Variants in KAZN observed in about 807,000 individuals in gnomAD.
KAZN encodes kazrin.
A neutral mutation model predicts 87.4 loss-of-function variants in KAZN; 40 were observed. The ratio of observed to expected loss-of-function variants is 0.46; its 90% confidence interval spans 0.36 to 0.60. The LOEUF (loss-of-function observed/expected upper bound fraction) is 0.60. Among genes scored for constraint, KAZN ranks in the 20% least tolerant of loss-of-function variants. The pLI, the probability that KAZN is intolerant of heterozygous loss-of-function variation, is 0.00. For missense variants in KAZN, 898 were observed against 1,073.9 expected (o/e 0.84, Z 2.29); for synonymous variants, 466 against 458.3 (o/e 1.02, Z -0.22).
intron 1 of KAZN, among the ~76,000 whole-genome samples, chr1:13,960,654 G>A (rs1169480065): frequency 6.6e-6 from 1 of 152,170 alleles, no homozygotes; most frequent in African/African-American, 2.4e-5. Context: ...TCCCAAATCG[G>A]CTTGTATTTG....
At position 14,356,643 on chromosome 1, in the gene KAZN, T is replaced by C. The variant is rs545768533; in HGVS notation, c.249+176051T>C. Among the ~76,000 whole-genome samples, 385 of 152,314 alleles carry C rather than the reference T, an allele frequency of 2.5e-3. 2 individuals carry two copies. The highest frequency in any genetic ancestry group is 4.4e-3 in the Non-Finnish European group (301 of 68,018). On this transcript the variant is annotated intron_variant, in intron 2 of 16. Coordinates refer to the KAZN transcript ENST00000636203. The stretch of plus-strand genomic sequence containing the variant: ...GGGTCCAGTTTCAGTTTTCTGCATA[T>C]GGCTAGCCAGTTTTCCCAACACCAT...
chr1:14,623,362 G>T (rs1467418338), intron 1 of KAZN, among the ~76,000 whole-genome samples: 1 of 152,208 alleles, frequency 6.6e-6, no homozygotes, highest in Non-Finnish European at 1.5e-5. Flanking sequence ...GTGAACTAAT[G>T]CAGGATAGAA....
chr1:14,370,535 C>T (rs1290904109), intron 2 of KAZN, among the ~76,000 whole-genome samples: 1 of 152,208 alleles, frequency 6.6e-6, no homozygotes, highest in African/African-American at 2.4e-5. Context: ...GAAAGCCTTG[C>T]TCCTGGGGGG....
chr1:14,074,521 G>A (rs566105981), intron 1 of KAZN, among the ~76,000 whole-genome samples: 8 of 152,270 alleles, frequency 5.3e-5, no homozygotes, highest in South Asian at 2.1e-4. Context: ...GCTTGGGGTC[G>A]TTTGACAGAA....
chr1:13,985,998 A>G (rs1266674672), intron 1 of KAZN, among the ~76,000 whole-genome samples: 1 of 152,230 alleles, frequency 6.6e-6, no homozygotes, highest in Admixed American at 6.5e-5. Context: ...TTGTGTGGGC[A>G]TAAGTTTTCA....
chr1:13,929,802 T>G (rs1345279144), intron 1 of KAZN, among the ~76,000 whole-genome samples: 1 of 152,214 alleles, frequency 6.6e-6, no homozygotes, highest in Non-Finnish European at 1.5e-5. Context: ...ATGTATTAAG[T>G]GTTTGCTACG....
chr1:14,985,449 A>G (rs1370781623), intron 2 of KAZN, among the ~76,000 whole-genome samples: 1 of 147,818 alleles, frequency 6.8e-6, no homozygotes. Flanking sequence ...AGGATGGCTT[A>G]AGCCCAGGAG....
At chr1:13,979,725 G>A (rs1287880518) in intron 1 of KAZN, among the ~76,000 whole-genome samples, 1 of 152,040 alleles carries the variant, frequency 6.6e-6, no homozygotes, top group Non-Finnish European at 1.5e-5. Context: ...TCAGGAGATC[G>A]AGACCATCCT....
rs142306278 is a variant in KAZN, at chr1:15,009,150, C to T, written c.419-25599C>T. Among the ~76,000 whole-genome samples, 466 of 152,288 alleles carry T rather than the reference C, an allele frequency of 3.1e-3. 2 individuals carry two copies. Among genetic ancestry groups the T allele is most frequent in the Middle Eastern group, 0.02 (6 of 294 alleles). ...CAGGAAATTCGGGCAGCCTACTGCC[C>T]GGGCACTGACTCCCCAGGTGGCATC... On this transcript the variant is annotated intron_variant, in intron 2 of 14. Transcript: ENST00000376030.
chr1:14,798,492 A>G (rs1463233612), intron 1 of KAZN, among the ~76,000 whole-genome samples: 3 of 46,736 alleles, frequency 6.4e-5, no homozygotes, highest in Non-Finnish European at 9.7e-5. Context: ...CAGTGGCCCT[A>G]TCTCGGCTCA....
chr1:14,667,319 G>C (rs532482483), intron 1 of KAZN, among the ~76,000 whole-genome samples: 2 of 152,142 alleles, frequency 1.3e-5, no homozygotes, highest in African/African-American at 4.8e-5. Context: ...TTGAAGGCGC[G>C]GACCTCCAGA....
chr1:14,331,944 TATTA>T (rs1347243486), intron 2 of KAZN, among the ~76,000 whole-genome samples: 1 of 152,208 alleles, frequency 6.6e-6, no homozygotes, highest in Non-Finnish European at 1.5e-5. Context: ...TTATACTTAA[TATTA>T]TATTTCTAAG....
chr1:14,684,797 T>C (rs1338294551), intron 1 of KAZN, among the ~76,000 whole-genome samples: 1 of 152,166 alleles, frequency 6.6e-6, no homozygotes, highest in African/African-American at 2.4e-5. Context: ...ACCCTTGCAA[T>C]GACATCAGGC....
chr1:14,203,102 A>G (rs1288503311), intron 2 of KAZN, among the ~76,000 whole-genome samples: 2 of 152,164 alleles, frequency 1.3e-5, no homozygotes, highest in African/African-American at 2.4e-5. Context: ...AGTATGTTGC[A>G]TTATACTAGA....
Position 14,924,957 on chromosome 1 carries a change from C to G in KAZN, c.227-35727C>G, listed in dbSNP as rs1474181398. Among the ~76,000 whole-genome samples the G allele has an allele frequency of 2.6e-5, 4 of 152,216 alleles. No homozygotes were observed. The East Asian group carries it at 7.7e-4, about 29-fold the overall frequency. ...CCGCACCTGTGAGCCATGTGGCGGC[C>G]CCCGCGGAGTGCCGAGGGGAGCCCC... On this transcript the variant is annotated intron_variant, in intron 1 of 14. Coordinates refer to ENST00000376030, the MANE Select transcript of KAZN (RefSeq NM_201628.3).
intron 1 of KAZN, among the ~76,000 whole-genome samples, chr1:14,808,455 G>T (rs1347939375): frequency 2.0e-5 from 3 of 151,022 alleles, no homozygotes; most frequent in Non-Finnish European, 4.4e-5. Context: ...TGCCACCACG[G>T]TCGGCTAATT....
intron 2 of KAZN, among the ~76,000 whole-genome samples, chr1:14,505,371 A>G (rs752643331): frequency 4.6e-5 from 7 of 152,294 alleles, no homozygotes; most frequent in Non-Finnish European, 8.8e-5. Flanking sequence ...AAGCCAATAG[A>G]TGTCTACTAT....
At chr1:14,734,059 G>A (rs144377158) in intron 1 of KAZN, among the ~76,000 whole-genome samples, 153 of 152,288 alleles carry the variant, frequency 1.0e-3, no homozygotes, top group African/African-American at 3.4e-3. Flanking sequence ...CCTGCCGGGT[G>A]AGCAGTGGGA....
Position 14,921,153 on chromosome 1 carries a change from A to AACACACACACACACACAC in KAZN, c.227-39513_227-39496dup, listed in dbSNP as rs55766387. ...TCTGCAGTCCTGGGCCTGAGCATGC[A>AACACACACACACACACAC]ACACACACACACACACACACACACA... On this transcript the variant is annotated intron_variant, in intron 1 of 14. Coordinates refer to ENST00000376030, the MANE Select transcript of KAZN (RefSeq NM_201628.3). Among the ~76,000 whole-genome samples, 402 of 144,492 alleles carry AACACACACACACACACAC rather than the reference A, an allele frequency of 2.8e-3. 9 individuals carry two copies. Among genetic ancestry groups the AACACACACACACACACAC allele is most frequent in the South Asian group, 0.028 (119 of 4,310 alleles). 94.8% of individuals were successfully genotyped at this position (144,492 alleles called of 152,430 possible).
Sources: gnomAD v4.1 joint callset for allele counts (sites outside exome capture counted in the v4.1 genomes callset) on GRCh38, gnomAD v4.1.1 for gene constraint, MANE v1.5 for transcripts, NCBI Gene and HGNC (gene_info 2026-07-23, HGNC 2026-07-21) for gene names.